HDDC2: variants seen among roughly 807,000 people sequenced by gnomAD.
The protein encoded by HDDC2 is 5'-deoxynucleotidase HDDC2.
In HDDC2, 25 loss-of-function variants were observed where a neutral mutation model predicts 25.5. That is an observed-to-expected ratio of 0.98 (90% CI 0.72 to 1.37). HDDC2 has a LOEUF of 1.37. Ranked by LOEUF, HDDC2 falls within the 40% of genes most tolerant of loss-of-function variation. HDDC2 has a pLI of 0.00. For synonymous variants in HDDC2, 106 were observed against 89.7 expected, an observed-to-expected ratio of 1.18 and a Z score of -1.03; for missense variants, 264 against 253.1, an observed-to-expected ratio of 1.04 and a Z score of -0.29.
intron 4 of HDDC2, among the ~76,000 whole-genome samples, chr6:125,291,058 A>G (rs1004882807): frequency 3.9e-5 from 6 of 152,256 alleles, no homozygotes; most frequent in Non-Finnish European, 5.9e-5. Context: ...AATTAATAAT[A>G]CAAGAGTGTT....
chr6:125,281,314 C>T (rs1035582866), intron 4 of HDDC2, among the ~76,000 whole-genome samples: 9 of 152,238 alleles, frequency 5.9e-5, no homozygotes, highest in African/African-American at 1.9e-4. Flanking sequence ...CAAAGAATCA[C>T]AATTCCTTAC....
intron 3 of HDDC2, among the ~76,000 whole-genome samples, chr6:125,297,998 G>A (rs1165569061): frequency 6.6e-6 from 1 of 152,046 alleles, no homozygotes; most frequent in Non-Finnish European, 1.5e-5. Context: ...ATAATGATTC[G>A]ATTTGTGATT....
intron 3 of HDDC2, among the ~76,000 whole-genome samples, chr6:125,296,200 T>C (rs1798703790): frequency 6.6e-6 from 1 of 152,182 alleles, no homozygotes; most frequent in South Asian, 2.1e-4. Context: ...ATATTAGGTA[T>C]CATAAGTAAT....
intron 4 of HDDC2, among the ~76,000 whole-genome samples, chr6:125,291,923 C>A (rs1427842867): frequency 1.3e-5 from 2 of 152,112 alleles, no homozygotes; most frequent in African/African-American, 4.8e-5. Flanking sequence ...CTGGGCACTT[C>A]CCCTCACACT....
intron 3 of HDDC2, among the ~76,000 whole-genome samples, chr6:125,293,568 C>T (rs912500776): frequency 1.3e-5 from 2 of 152,126 alleles, no homozygotes; most frequent in Non-Finnish European, 2.9e-5. Context: ...ATCCTCTTTC[C>T]AAAAATGTGT....
Position 125,295,434 on chromosome 6 carries a change from T to A in HDDC2, c.310-2525A>T, listed in dbSNP as rs546277910. On this transcript the variant is annotated intron_variant, in intron 3 of 5. Coordinates refer to ENST00000398153, the MANE Select transcript of HDDC2 (RefSeq NM_016063.3). ...ACTGGGTTTCAAACCCGGCTCGCCA[T>A]TTATTAATACTAGCTGTGGAACCCT... Among the ~76,000 whole-genome samples, 7 of 152,304 alleles carry A rather than the reference T, an allele frequency of 4.6e-5. No homozygotes were observed. The East Asian group carries it at 1.3e-3, about 29-fold the overall frequency.
At chr6:125,291,143 A>G (rs1264984209) in intron 4 of HDDC2, among the ~76,000 whole-genome samples, 3 of 152,194 alleles carry the variant, frequency 2.0e-5, no homozygotes, top group Non-Finnish European at 4.4e-5. Flanking sequence ...ACTCCACTCC[A>G]TTATTTCCCA....
intron 4 of HDDC2, among the ~76,000 whole-genome samples, chr6:125,290,663 G>A (rs1441351500): frequency 6.6e-6 from 1 of 152,178 alleles, no homozygotes; most frequent in Non-Finnish European, 1.5e-5. Flanking sequence ...TGACTACAGG[G>A]AAGAGACTGG....
In HDDC2 at chr6:125,300,660, C is replaced by T. The variant is rs1455537687; in HGVS notation, c.85-1G>A. 6.2e-7 allele frequency: 1 copy of T among 1,609,362 alleles called. No homozygotes were observed. On this transcript the variant is annotated splice_acceptor_variant, in intron 1 of 5. Transcript: ENST00000398153. LOFTEE classifies it high-confidence loss of function. Reference sequence around the variant, plus strand: ...ATACCCAGCCAGTTCGTGGGACTCTCTGATAAATATGAAGAAGAAAAAGAA... The same window carrying T: ...ATACCCAGCCAGTTCGTGGGACTCTTTGATAAATATGAAGAAGAAAAAGAA...
At chr6:125,288,060 A>T (rs1798569315) in intron 4 of HDDC2, among the ~76,000 whole-genome samples, 1 of 152,148 alleles carries the variant, frequency 6.6e-6, no homozygotes. Context: ...TGCTGAAGAG[A>T]AGTAGGGAAA....
intron 2 of HDDC2, 181 bp downstream of exon 2, chr6:125,300,357 T>C (rs1798776511): frequency 6.0e-6 from 4 of 661,444 alleles, no homozygotes; most frequent in Non-Finnish European, 9.7e-6. Flanking sequence ...AACCCCAGAT[T>C]GCAGTTTACA....
At chr6:125,292,717 G>C in intron 4 of HDDC2, 124 bp downstream of exon 4, 1 of 763,568 alleles carries the variant, frequency 1.3e-6, no homozygotes, top group Non-Finnish European at 2.3e-6. Context: ...GTGAGAAACA[G>C]ACACAAACCA....
intron 3 of HDDC2, chr6:125,297,482 C>T (rs899567685): frequency 1.5e-5 from 6 of 398,444 alleles, no homozygotes; most frequent in Non-Finnish European, 2.7e-5. Flanking sequence ...GCTCTTCTTA[C>T]CTTTGAAGGG....
In HDDC2 at chr6:125,276,426, C is replaced by T. The variant is rs554218931; in HGVS notation, c.518-183G>A. 15 of 581,886 alleles carry T rather than the reference C, an allele frequency of 2.6e-5. 1 individual carries two copies. The highest frequency in any genetic ancestry group is 6.4e-5 in the South Asian group (3 of 47,148). 36.0% of individuals were successfully genotyped at this position (581,886 alleles called of 1,614,324 possible). Reference sequence around the variant, plus strand: ...GCTGAAGGGGACCACTTGGCATTTACGCTCTGTCACCCCAGGTGCAACTGA... The same window carrying T: ...GCTGAAGGGGACCACTTGGCATTTATGCTCTGTCACCCCAGGTGCAACTGA... On this transcript the variant is annotated intron_variant, in intron 5 of 5. Transcript: ENST00000398153.
intron 5 of HDDC2, 103 bp from the exon 6 acceptor site, chr6:125,276,346 G>A (rs560709426): frequency 7.5e-5 from 61 of 817,326 alleles, no homozygotes; most frequent in Middle Eastern, 3.0e-4. Context: ...TCTAGTCTAC[G>A]ATCTGACCCA....
At chr6:125,285,434 G>A (rs550464343) in intron 4 of HDDC2, among the ~76,000 whole-genome samples, 2 of 152,174 alleles carry the variant, frequency 1.3e-5, no homozygotes, top group East Asian at 3.9e-4. Context: ...AGGAACACAA[G>A]GGTAATTAAA....
intron 4 of HDDC2, among the ~76,000 whole-genome samples, chr6:125,282,404 C>A (rs1452074013): frequency 1.3e-5 from 2 of 151,084 alleles, no homozygotes; most frequent in African/African-American, 4.9e-5. Context: ...AATTTCATAA[C>A]CAGCCAAACT....
chr6:125,299,326 T>C (rs1232579605), intron 2 of HDDC2, among the ~76,000 whole-genome samples: 1 of 152,320 alleles, frequency 6.6e-6, no homozygotes, highest in East Asian at 1.9e-4. Flanking sequence ...GAGGTTGTAG[T>C]TGGCTGACAC....
chr6:125,297,854 TA>T (rs1798727750), intron 3 of HDDC2, among the ~76,000 whole-genome samples: 1 of 152,246 alleles, frequency 6.6e-6, no homozygotes. Context: ...GCTTTGGGTT[TA>T]GAGTCCAAAC....
Sources: gnomAD v4.1 joint callset for allele counts (sites outside exome capture counted in the v4.1 genomes callset) on GRCh38, gnomAD v4.1.1 for gene constraint, MANE v1.5 for transcripts, NCBI Gene and HGNC (gene_info 2026-07-23, HGNC 2026-07-21) for gene names.